The following ITPR2 variants were observed in gnomAD, a reference collection of about 807,000 sequenced individuals.
ITPR2 encodes inositol 1,4,5-trisphosphate-gated calcium channel ITPR2.
A neutral mutation model predicts 317.1 loss-of-function variants in ITPR2; 207 were observed. That is an observed-to-expected ratio of 0.65 (90% CI 0.58 to 0.73). ITPR2 has a LOEUF of 0.73. Ranked by LOEUF, ITPR2 falls within the 30% of genes least tolerant of loss-of-function variation. The pLI is 0.00. For missense variants in ITPR2, 2,613 were observed against 3,284.0 expected (o/e 0.80, Z 4.99); for synonymous variants, 1,156 against 1,149.1 (o/e 1.01, Z -0.12).
intron 1 of ITPR2, among the ~76,000 whole-genome samples, chr12:26,802,744 C>A (rs965807580): frequency 5.3e-5 from 8 of 152,080 alleles, no homozygotes; most frequent in South Asian, 2.1e-4. Context: ...AAGTGTTTCA[C>A]TGCTTTAAGA....
chr12:26,743,875 G>A (rs1366450691), intron 2 of ITPR2, among the ~76,000 whole-genome samples: 1 of 152,142 alleles, frequency 6.6e-6, no homozygotes, highest in African/African-American at 2.4e-5. Context: ...TGGGCAACAA[G>A]AGCAAAACTC....
chr12:26,770,038 C>A (rs1340328060), intron 2 of ITPR2, among the ~76,000 whole-genome samples: 4 of 152,126 alleles, frequency 2.6e-5, no homozygotes, highest in Non-Finnish European at 5.9e-5. Context: ...AACCCTATAA[C>A]CTCCACATCA....
intron 55 of ITPR2, among the ~76,000 whole-genome samples, chr12:26,346,358 C>G (rs574162597): frequency 6.6e-6 from 1 of 152,338 alleles, no homozygotes; most frequent in African/African-American, 2.4e-5. Context: ...CACGGTGGCT[C>G]ATGCCTATAA....
chr12:26,797,567 TA>T (rs1463480872), intron 1 of ITPR2, among the ~76,000 whole-genome samples: 15 of 151,608 alleles, frequency 9.9e-5, no homozygotes, highest in Admixed American at 2.0e-4. Context: ...TGCATTTAAA[TA>T]AAATGAATTT....
chr12:26,752,600 C>T (rs747839062), intron 2 of ITPR2, among the ~76,000 whole-genome samples: 3 of 152,198 alleles, frequency 2.0e-5, no homozygotes, highest in Non-Finnish European at 4.4e-5. Flanking sequence ...AGCATATGAT[C>T]AAGAAATAAC....
chr12:26,499,572 A>T (rs1056054908), intron 37 of ITPR2, among the ~76,000 whole-genome samples: 1 of 152,208 alleles, frequency 6.6e-6, no homozygotes, highest in African/African-American at 2.4e-5. Flanking sequence ...AGTACTTGGA[A>T]CAGTTCCAAA....
rs1366770969 is a variant in ITPR2 at position 26,339,557 on chromosome 12, T to C, written c.8020-74A>G. 5 of 1,102,470 alleles carry C rather than the reference T, an allele frequency of 4.5e-6. No individual in the cohort carries two copies. In the Admixed American group the frequency reaches 5.5e-5, roughly 12 times the overall value. 68.3% of individuals were successfully genotyped at this position (1,102,470 alleles called of 1,614,324 possible). A position where few individuals can be genotyped will look rare whatever the true frequency, so the allele number is the denominator to read the frequency against. On this transcript the variant is annotated intron_variant, in intron 56 of 56. Coordinates refer to ENST00000381340, the MANE Select transcript of ITPR2 (RefSeq NM_002223.4). ...CCAGTGCTGGTGGGCCACAACCGTT[T>C]TGAGTTAATATTCCCCAACTACCTA...
At chr12:26,576,980 CT>C (rs1298546715) in intron 34 of ITPR2, among the ~76,000 whole-genome samples, 39 of 152,164 alleles carry the variant, frequency 2.6e-4, no homozygotes, top group Admixed American at 2.6e-3. Flanking sequence ...AGCCCCCTTC[CT>C]TTCACTCTCT....
chr12:26,590,946 G>T (rs1481451577), intron 32 of ITPR2, among the ~76,000 whole-genome samples: 1 of 151,934 alleles, frequency 6.6e-6, no homozygotes, highest in Non-Finnish European at 1.5e-5. Context: ...CGGGAGTGGT[G>T]GCAGGTGCCT....
At chr12:26,438,816 C>T (rs1403119845) in intron 47 of ITPR2, among the ~76,000 whole-genome samples, 1 of 152,188 alleles carries the variant, frequency 6.6e-6, no homozygotes, top group Non-Finnish European at 1.5e-5. Flanking sequence ...CATTCACGGA[C>T]TTCAAACCTG....
chr12:26,744,116 A>G (rs1949279820), intron 2 of ITPR2, among the ~76,000 whole-genome samples: 1 of 152,354 alleles, frequency 6.6e-6, no homozygotes, highest in South Asian at 2.1e-4. Flanking sequence ...CCTGTTAAAC[A>G]GAAGTCAGGG....
chr12:26,348,316 T>C (rs1461730007), intron 55 of ITPR2, among the ~76,000 whole-genome samples: 2 of 152,188 alleles, frequency 1.3e-5, no homozygotes, highest in Non-Finnish European at 2.9e-5. Flanking sequence ...GAACAAGAAT[T>C]AATCATTTGG....
chr12:26,705,511 T>C (rs1401689097), intron 9 of ITPR2, among the ~76,000 whole-genome samples: 1 of 152,066 alleles, frequency 6.6e-6, no homozygotes, highest in Non-Finnish European at 1.5e-5. Context: ...CTCTTTCTAC[T>C]CCCTAATGAT....
rs375010098 is a variant in ITPR2, at chr12:26,418,991, G to A, written c.7110+58C>T. On this transcript the variant is annotated intron_variant, in intron 50 of 56. Coordinates refer to ENST00000381340, the MANE Select transcript of ITPR2 (RefSeq NM_002223.4). Reference sequence around the variant, plus strand: ...AAAAAAATCAAAGGAAGAGGCATAAGAAGCAGCAGCATTGTGTACTTTTTC... The same window carrying A: ...AAAAAAATCAAAGGAAGAGGCATAAAAAGCAGCAGCATTGTGTACTTTTTC... 2.9e-5 allele frequency: 40 copies of A among 1,402,402 alleles called. No individual in the cohort carries two copies. The Middle Eastern group carries it at 2.8e-3, about 97-fold the overall frequency. The allele number at this position is 1,402,402 out of a possible 1,614,324, so 86.9% of individuals were successfully genotyped here.
At position 26,415,484 on chromosome 12, in the gene ITPR2, C is replaced by A; in HGVS notation, c.7125G>T (p.Val2375=). 1 of 1,561,636 alleles carries A rather than the reference C, an allele frequency of 6.4e-7. No homozygotes were observed. The highest frequency in any genetic ancestry group is 1.2e-5 in the South Asian group (1 of 80,516). ...FFYSFLLFDL[V]YREETLLNVI... ...CATTCAGCAAAGTCTCTTCCCTGTA[C>A]ACCAAATCAAAAAGCTACAAAGATA... The change falls in exon 51 of 57, where the codon GTG becomes GTT. Residue 2375 remains valine (V), a synonymous_variant. Coordinates refer to ENST00000381340, the MANE Select transcript of ITPR2 (RefSeq NM_002223.4).
At chr12:26,480,034 TC>T (rs1292988567) in intron 43 of ITPR2, among the ~76,000 whole-genome samples, 1 of 152,222 alleles carries the variant, frequency 6.6e-6, no homozygotes, top group African/African-American at 2.4e-5. Flanking sequence ...TAGAAAAATA[TC>T]ATTCCTATTC....
chr12:26,774,730 T>C (rs776143966), intron 2 of ITPR2, among the ~76,000 whole-genome samples: 4 of 152,158 alleles, frequency 2.6e-5, no homozygotes, highest in Non-Finnish European at 5.9e-5. Context: ...ACAAGTGCAG[T>C]AGACAATTTC....
chr12:26,410,103 T>C (rs984032387), intron 52 of ITPR2, among the ~76,000 whole-genome samples: 3 of 152,156 alleles, frequency 2.0e-5, no homozygotes, highest in African/African-American at 7.2e-5. Flanking sequence ...CCCTGGAGTG[T>C]CATGGCAGTA....
At chr12:26,757,083 T>A (rs1949536363) in intron 2 of ITPR2, among the ~76,000 whole-genome samples, 1 of 152,214 alleles carries the variant, frequency 6.6e-6, no homozygotes, top group South Asian at 2.1e-4. Flanking sequence ...TTACCCTATA[T>A]GGTCTAAAAA....
Sources: allele counts gnomAD v4.1 joint callset (sites outside exome capture counted in the v4.1 genomes callset), GRCh38; gene constraint gnomAD v4.1.1; transcripts MANE v1.5; gene names NCBI Gene and HGNC (gene_info 2026-07-23, HGNC 2026-07-21).